The following TGFB2 variants were observed in gnomAD, a reference collection of about 807,000 sequenced individuals.
The protein encoded by TGFB2 is transforming growth factor beta-2 proprotein.
In TGFB2, 13 loss-of-function variants were observed where a neutral mutation model predicts 42.7. The observed-to-expected ratio is 0.30, with a 90% CI of 0.20 to 0.48. The LOEUF is 0.48. Among genes scored for constraint, TGFB2 ranks in the 20% least tolerant of loss-of-function variants. The pLI, the probability that TGFB2 is intolerant of heterozygous loss-of-function variation, is 0.99. For missense variants in TGFB2, 390 were observed against 517.5 expected, an observed-to-expected ratio of 0.75 and a Z score of 2.39; for synonymous variants, 193 against 193.6, an observed-to-expected ratio of 1.00 and a Z score of 0.03.
At chr1:218,388,870 A>G (rs1256341216) in intron 1 of TGFB2, among the ~76,000 whole-genome samples, 9 of 152,320 alleles carry the variant, frequency 5.9e-5, no homozygotes, top group Non-Finnish European at 1.2e-4. Context: ...ATGTTGCTGT[A>G]TCTCTTCAAG....
chr1:218,434,888 T>G (rs1358346585), intron 4 of TGFB2, among the ~76,000 whole-genome samples: 2 of 152,226 alleles, frequency 1.3e-5, no homozygotes, highest in African/African-American at 2.4e-5. Context: ...CTTCCATAAC[T>G]AACCTTCCAT....
At chr1:218,382,574 T>C (rs992303660) in intron 1 of TGFB2, among the ~76,000 whole-genome samples, 5 of 152,230 alleles carry the variant, frequency 3.3e-5, no homozygotes, top group Non-Finnish European at 7.3e-5. Context: ...TCATAGATTA[T>C]TCAGAAATAA....
Position 218,434,124 on chromosome 1 carries a change from A to G in TGFB2, c.553A>G (p.Ile185Val), listed in dbSNP as rs1558262183. The G allele has an allele frequency of 6.2e-7, 1 of 1,614,170 alleles. No homozygotes were observed. The highest frequency in any genetic ancestry group is 8.5e-7 in the Non-Finnish European group (1 of 1,180,020). The change falls in exon 3 of 7, where the codon ATC (isoleucine) becomes GTC (valine). Residue 185 changes from isoleucine to valine, a missense_variant. By Grantham distance (29) the Ile-to-Val change is conservative. Transcript: ENST00000366930. Reference protein sequence around the residue: ...KDLTSPTQRYIDSKVVKTRAE... With the variant: ...KDLTSPTQRYVDSKVVKTRAE... ...TTTAACATCTCCAACCCAGCGCTACATCGACAGCAAAGTTGTGAAAACAAG... is the reference window on the plus strand; with the variant it reads ...TTTAACATCTCCAACCCAGCGCTACGTCGACAGCAAAGTTGTGAAAACAAG...
intron 1 of TGFB2, among the ~76,000 whole-genome samples, chr1:218,386,089 T>A (rs1340822461): frequency 6.6e-6 from 1 of 152,162 alleles, no homozygotes; most frequent in Non-Finnish European, 1.5e-5. Context: ...CTTGGGCTGT[T>A]CTGAGATTTA....
chr1:218,409,564 C>A (rs1313546592), intron 2 of TGFB2, among the ~76,000 whole-genome samples: 3 of 152,156 alleles, frequency 2.0e-5, no homozygotes, highest in Non-Finnish European at 2.9e-5. Flanking sequence ...ATGGTAATAA[C>A]CTTGAATTAT....
chr1:218,418,887 G>A (rs1358569667), intron 2 of TGFB2, among the ~76,000 whole-genome samples: 1 of 152,134 alleles, frequency 6.6e-6, no homozygotes, highest in Non-Finnish European at 1.5e-5. Flanking sequence ...CATCATGATT[G>A]TGAGGCCTCC....
intron 1 of TGFB2, among the ~76,000 whole-genome samples, chr1:218,367,264 G>C (rs375277433): frequency 1.3e-5 from 2 of 152,132 alleles, no homozygotes; most frequent in African/African-American, 4.8e-5. Flanking sequence ...GGCCTGAATC[G>C]TGTTCTGAGA....
intron 1 of TGFB2, among the ~76,000 whole-genome samples, chr1:218,371,076 A>T (rs1403321562): frequency 1.3e-5 from 2 of 152,072 alleles, no homozygotes; most frequent in South Asian, 2.1e-4. Context: ...CGGTGGGAGG[A>T]TCACTTGAGC....
rs2102628627 is a variant in TGFB2 at position 218,436,094 on chromosome 1, A to G, written c.879A>G (p.Ser293=). ...TATTGCCCTCCTACAGACTTGAGTC[A>G]CAACAGACCAACCGGCGGAAGAAGC... ...LMLLPSYRLE[S]QQTNRRKKRA... is the part of the protein sequence containing the mutation. The change falls in exon 5 of 7, where the codon TCA becomes TCG. Residue 293 remains serine, a synonymous_variant. Transcript: ENST00000366930. The G allele has an allele frequency of 6.2e-7, 1 of 1,614,118 alleles. No individual in the cohort carries two copies. Among genetic ancestry groups the G allele is most frequent in the Non-Finnish European group, 8.5e-7 (1 of 1,179,978 alleles).
At chr1:218,421,057 G>A (rs1212483567) in intron 2 of TGFB2, among the ~76,000 whole-genome samples, 1 of 152,158 alleles carries the variant, frequency 6.6e-6, no homozygotes, top group Non-Finnish European at 1.5e-5. Flanking sequence ...CAGTGTGTCG[G>A]TGTGGTAGGC....
chr1:218,350,456 C>T (rs963429591), intron 1 of TGFB2, among the ~76,000 whole-genome samples: 1 of 152,168 alleles, frequency 6.6e-6, no homozygotes, highest in Middle Eastern at 3.2e-3. Flanking sequence ...CCCCCATTCC[C>T]AACATCAAAG....
chr1:218,354,641 C>A (rs952005323), intron 1 of TGFB2, among the ~76,000 whole-genome samples: 6 of 152,178 alleles, frequency 3.9e-5, no homozygotes, highest in African/African-American at 1.4e-4. Flanking sequence ...AGACTTTCAG[C>A]CACCACAGGT....
chr1:218,378,193 T>C (rs958274365), intron 1 of TGFB2, among the ~76,000 whole-genome samples: 1 of 150,364 alleles, frequency 6.7e-6, no homozygotes. Flanking sequence ...TTATTTAAGA[T>C]GGAGTCTTGC....
intron 1 of TGFB2, among the ~76,000 whole-genome samples, chr1:218,377,217 C>T (rs1337032853): frequency 6.6e-6 from 1 of 152,194 alleles, no homozygotes; most frequent in African/African-American, 2.4e-5. Flanking sequence ...CAGTCCCTAC[C>T]ATGCCTAGAA....
intron 2 of TGFB2, among the ~76,000 whole-genome samples, chr1:218,432,039 G>T (rs927567380): frequency 6.6e-6 from 1 of 151,980 alleles, no homozygotes; most frequent in Non-Finnish European, 1.5e-5. Flanking sequence ...AAAAATCTTT[G>T]CCTCTGTCAT....
In TGFB2 at chr1:218,434,154, G is replaced by C; in HGVS notation, c.583G>C (p.Glu195Gln). 6.2e-7 allele frequency: 1 copy of C among 1,614,218 alleles called. No homozygotes were observed. Among genetic ancestry groups the C allele is most frequent in the South Asian group, 1.1e-5 (1 of 91,088 alleles). Reference sequence around the variant, plus strand: ...CAGCAAAGTTGTGAAAACAAGAGCAGAAGGCGAATGGCTCTCCTTCGATGT... The same window carrying C: ...CAGCAAAGTTGTGAAAACAAGAGCACAAGGCGAATGGCTCTCCTTCGATGT... ...IDSKVVKTRA[E>Q]GEWLSFDVTD... The change falls in exon 3 of 7, where the codon GAA becomes CAA. Residue 195 changes from glutamate to glutamine, a missense_variant. Glu to Gln is a conservative substitution (Grantham distance 29, BLOSUM62 2). Transcript: ENST00000366930.
In TGFB2 at chr1:218,443,400, T is replaced by C. The variant is rs1373515487; in HGVS notation, c.*2038T>C. ...TCCAAAGTGAAGTTGTTTGATATGG[T>C]CTACTTCTTTTTTGGAATTTCCTGA... On this transcript the variant is annotated 3_prime_UTR_variant, in exon 7 of 7. Coordinates refer to ENST00000366930, the MANE Select transcript of TGFB2 (RefSeq NM_003238.6). 6.6e-6 allele frequency: 1 copy of C among 152,208 alleles called. No homozygotes were observed. The highest frequency in any genetic ancestry group is 1.5e-5 in the Non-Finnish European group (1 of 68,028). The allele number at this position is 152,208 out of a possible 1,614,324, so 9.4% of individuals were successfully genotyped here.
rs557802645 is a variant in TGFB2, at chr1:218,443,069, A to T, written c.*1707A>T. On this transcript the variant is annotated 3_prime_UTR_variant, in exon 7 of 7. Transcript: ENST00000366930. ...CAGGTCAGCATAAGTCATTTTGTGT[A>T]TTTCACTGAAGTTATAAGGTTTTTA... is the stretch of plus-strand genomic sequence containing the variant. The T allele has an allele frequency of 1.3e-5, 2 of 152,284 alleles. No homozygotes were observed. Among genetic ancestry groups the T allele is most frequent in the Admixed American group, 1.3e-4 (2 of 15,286 alleles). The allele number at this position is 152,284 out of a possible 1,614,324, so 9.4% of individuals were successfully genotyped here.
intron 2 of TGFB2, 30 bp from the exon 3 acceptor site, chr1:218,434,052 G>T: frequency 6.2e-7 from 1 of 1,611,202 alleles, no homozygotes; most frequent in Non-Finnish European, 8.5e-7. Flanking sequence ...TGCCAACTCA[G>T]CCTTTTCTCT....
Sources: gnomAD v4.1 joint callset for allele counts (sites outside exome capture counted in the v4.1 genomes callset) on GRCh38, gnomAD v4.1.1 for gene constraint, MANE v1.5 for transcripts, NCBI Gene and HGNC (gene_info 2026-07-23, HGNC 2026-07-21) for gene names.